The following SLC36A4 variants were observed in gnomAD, a reference collection of about 807,000 sequenced individuals.
SLC36A4 encodes solute carrier family 36 member 4.
A neutral mutation model predicts 50.5 loss-of-function variants in SLC36A4; 49 were observed. The observed-to-expected ratio is 0.97, with a 90% confidence interval of 0.77 to 1.23. The LOEUF is 1.23. SLC36A4 is among the 50% of genes most tolerant of loss of function. The pLI is 0.00. For synonymous variants in SLC36A4, 207 were observed against 206.5 expected, an observed-to-expected ratio of 1.00 and a Z score of -0.02; for missense variants, 611 against 608.4, an observed-to-expected ratio of 1.00 and a Z score of -0.05.
rs564746845 is a variant in SLC36A4 at position 93,172,346 on chromosome 11, C to T, written c.541-4175G>A. The stretch of plus-strand genomic sequence containing the variant: ...GGTGATTTGTGAGATCCTGGTGCAC[C>T]CATCAATGAAGCAGTATACACTGCA... On this transcript the variant is annotated intron_variant, in intron 6 of 10. Coordinates refer to ENST00000326402, the MANE Select transcript of SLC36A4 (RefSeq NM_152313.4). Among the ~76,000 whole-genome samples, 9 of 151,900 alleles carry T rather than the reference C, an allele frequency of 5.9e-5. No homozygotes were observed. The South Asian group carries it at 8.3e-4, about 14-fold the overall frequency.
intron 8 of SLC36A4, 131 bp from the exon 9 acceptor site, chr11:93,163,006 T>C: frequency 4.5e-6 from 3 of 664,160 alleles, no homozygotes; most frequent in Non-Finnish European, 7.5e-6. Flanking sequence ...CATATAATTG[T>C]TGAAGTACAC....
At chr11:93,190,489 C>A (rs1279733793) in intron 1 of SLC36A4, among the ~76,000 whole-genome samples, 1 of 152,096 alleles carries the variant, frequency 6.6e-6, no homozygotes, top group Non-Finnish European at 1.5e-5. Context: ...ATGTACTCCA[C>A]AAATACGTAC....
In SLC36A4 at chr11:93,197,969, C is replaced by G. The variant is rs1290325050; in HGVS notation, c.-137G>C. On this transcript the variant is annotated 5_prime_UTR_variant, in exon 1 of 11. Coordinates refer to ENST00000326402, the MANE Select transcript of SLC36A4 (RefSeq NM_152313.4). ...CCCGCCTCCCTGCCCCGGCGCTCCCCAACCGCGCGGCGAGGAGCATGCGCA... is the reference window on the plus strand; with the variant it reads ...CCCGCCTCCCTGCCCCGGCGCTCCCGAACCGCGCGGCGAGGAGCATGCGCA... 1 of 928,362 alleles carries G rather than the reference C, an allele frequency of 1.1e-6. No individual in the cohort carries two copies. Among genetic ancestry groups the G allele is most frequent in the Non-Finnish European group, 1.5e-6 (1 of 675,752 alleles). The allele number at this position is 928,362 out of a possible 1,614,324, so 57.5% of individuals were successfully genotyped here.
chr11:93,154,197 A>C lies in SLC36A4; in HGVS notation c.1118T>G (p.Ile373Ser). Residue 373 changes from isoleucine to serine, a missense_variant, in exon 10 of 11, where the codon ATC (isoleucine) becomes AGC (serine). Ile to Ser is a moderately radical substitution (Grantham distance 142). Coordinates refer to ENST00000326402, the MANE Select transcript of SLC36A4 (RefSeq NM_152313.4). ...TTTGGATGTGATCCCAGGGATAATG[A>C]TCTCTGCTGGAACATAGAACTGAAT... is the stretch of plus-strand genomic sequence containing the variant. Reference protein sequence around the residue: ...YSIQFYVPAEIIIPGITSKFH... With the variant: ...YSIQFYVPAESIIPGITSKFH... The C allele has an allele frequency of 6.4e-7, 1 of 1,564,974 alleles. No individual in the cohort carries two copies. The highest frequency in any genetic ancestry group is 8.6e-7 in the Non-Finnish European group (1 of 1,159,212).
At chr11:93,151,920 TG>T (rs1280267393) in intron 10 of SLC36A4, among the ~76,000 whole-genome samples, 3 of 152,084 alleles carry the variant, frequency 2.0e-5, no homozygotes, top group African/African-American at 7.2e-5. Context: ...GACCTTTGGC[TG>T]GTTTCTACCG....
intron 1 of SLC36A4, among the ~76,000 whole-genome samples, chr11:93,186,184 T>C (rs1861976173): frequency 1.3e-5 from 2 of 152,212 alleles, no homozygotes; most frequent in Admixed American, 1.3e-4. Flanking sequence ...TACAGGTAAA[T>C]AGTAATCACG....
intron 9 of SLC36A4, 84 bp from the exon 10 acceptor site, chr11:93,154,361 G>C: frequency 1.6e-6 from 1 of 645,120 alleles, no homozygotes; most frequent in Non-Finnish European, 2.3e-6. Context: ...AGATAAATAA[G>C]AAATCCAGAA....
intron 6 of SLC36A4, among the ~76,000 whole-genome samples, chr11:93,179,056 A>C (rs547632939): frequency 2.6e-5 from 4 of 152,302 alleles, no homozygotes; most frequent in African/African-American, 9.6e-5. Context: ...AATGGGAAAA[A>C]TGGGTGTTTG....
intron 9 of SLC36A4, among the ~76,000 whole-genome samples, chr11:93,155,964 T>A (rs1196801775): frequency 3.3e-5 from 5 of 152,230 alleles, no homozygotes; most frequent in African/African-American, 1.2e-4. Flanking sequence ...ATCTTCTTTA[T>A]CCAATCTATC....
chr11:93,188,125 G>GT (rs1403056896), intron 1 of SLC36A4, among the ~76,000 whole-genome samples: 2 of 152,088 alleles, frequency 1.3e-5, no homozygotes, highest in East Asian at 3.9e-4. Flanking sequence ...AAAATTTTCT[G>GT]TTTTTATACT....
chr11:93,183,299 C>T (rs2134695666), intron 3 of SLC36A4, among the ~76,000 whole-genome samples: 1 of 152,288 alleles, frequency 6.6e-6, no homozygotes, highest in Middle Eastern at 3.4e-3. Flanking sequence ...ATTTCTTCTA[C>T]AGACTGCTTC....
chr11:93,177,424 C>A (rs1360142724), intron 6 of SLC36A4, among the ~76,000 whole-genome samples: 2 of 152,202 alleles, frequency 1.3e-5, no homozygotes, highest in Non-Finnish European at 2.9e-5. Flanking sequence ...AAGTTTGTTA[C>A]TACCGATCGT....
intron 9 of SLC36A4, among the ~76,000 whole-genome samples, chr11:93,159,460 C>T (rs752212893): frequency 8.6e-5 from 13 of 152,032 alleles, no homozygotes; most frequent in Non-Finnish European, 1.5e-4. Context: ...CAGAAGCTAC[C>T]GTTAGAAATA....
Position 93,168,094 on chromosome 11 carries a change from A to G in SLC36A4, c.618T>C (p.Ser206=), listed in dbSNP as rs1357548163. ...TNSSNPCERR[S]VDLRIYMLCF... is the part of the protein sequence containing the mutation. The stretch of plus-strand genomic sequence containing the variant: ...AAAGCATATATATCCTTAGGTCAAC[A>G]CTTCTTCTCTCACAAGGGTTTGATG... Residue 206 remains serine, a synonymous_variant, in exon 7 of 11, where the codon AGT becomes AGC. Coordinates refer to ENST00000326402, the MANE Select transcript of SLC36A4 (RefSeq NM_152313.4). The G allele has an allele frequency of 6.2e-7, 1 of 1,612,526 alleles. No individual in the cohort carries two copies. Among genetic ancestry groups the G allele is most frequent in the Admixed American group, 1.7e-5 (1 of 59,878 alleles).
In SLC36A4 at chr11:93,155,999, C is replaced by T. The variant is rs550153715; in HGVS notation, c.1038-1722G>A. Among the ~76,000 whole-genome samples, 9 of 152,212 alleles carry T rather than the reference C, an allele frequency of 5.9e-5. 1 individual carries two copies. The highest frequency in any genetic ancestry group is 1.7e-4 in the African/African-American group (7 of 41,544). On this transcript the variant is annotated intron_variant, in intron 9 of 10. Transcript: ENST00000326402. Reference sequence around the variant, plus strand: ...CACTGACAGGCATTTAGGTTAATTCCGTATCTTTGCTATTGTGAAAAGTGC... The same window carrying T: ...CACTGACAGGCATTTAGGTTAATTCTGTATCTTTGCTATTGTGAAAAGTGC...
At chr11:93,179,893 CTTA>C (rs1184436962) in intron 6 of SLC36A4, among the ~76,000 whole-genome samples, 2 of 152,104 alleles carry the variant, frequency 1.3e-5, no homozygotes, top group Non-Finnish European at 2.9e-5. Context: ...GCAGAAAATA[CTTA>C]TTAACTGGCC....
chr11:93,144,930 G>A lies in SLC36A4; in HGVS notation c.*3607C>T, dbSNP rs1026539433. 1 of 151,956 alleles carries A rather than the reference G, an allele frequency of 6.6e-6. No individual in the cohort carries two copies. The highest frequency in any genetic ancestry group is 1.5e-5 in the Non-Finnish European group (1 of 67,942). The allele number at this position is 151,956 out of a possible 1,614,324, so 9.4% of individuals were successfully genotyped here. On this transcript the variant is annotated 3_prime_UTR_variant, in exon 11 of 11. Coordinates refer to ENST00000326402, the MANE Select transcript of SLC36A4 (RefSeq NM_152313.4). ...ATTTTATTCCTCAACAGATGGTATTGAGCCACTGATGCTATTTAAATAATT... is the reference window on the plus strand; with the variant it reads ...ATTTTATTCCTCAACAGATGGTATTAAGCCACTGATGCTATTTAAATAATT...
At chr11:93,196,055 G>C (rs1336704918) in intron 1 of SLC36A4, among the ~76,000 whole-genome samples, 1 of 152,072 alleles carries the variant, frequency 6.6e-6, no homozygotes, top group Non-Finnish European at 1.5e-5. Flanking sequence ...TTTTGCTCAC[G>C]ATGTATCTCA....
chr11:93,148,811 A>G lies in SLC36A4; in HGVS notation c.1241T>C (p.Ile414Thr). ...CACAGCTCCAACGAAGGAAATCACA[A>G]TGTCTAAACGAGGAATAAGAATTGC... is the stretch of plus-strand genomic sequence containing the variant. Reference protein sequence around the residue: ...AGAILIPRLDIVISFVGAVSS... With the variant: ...AGAILIPRLDTVISFVGAVSS... The change falls in exon 11 of 11, where the codon ATT becomes ACT. Residue 414 changes from isoleucine to threonine, a missense_variant. By Grantham distance (89) the Ile-to-Thr change is moderately conservative. Transcript: ENST00000326402. The G allele has an allele frequency of 6.2e-7, 1 of 1,612,764 alleles. No individual in the cohort carries two copies. The highest frequency in any genetic ancestry group is 8.5e-7 in the Non-Finnish European group (1 of 1,179,222).
Sources: gnomAD v4.1 joint callset for allele counts (sites outside exome capture counted in the v4.1 genomes callset) on GRCh38, gnomAD v4.1.1 for gene constraint, MANE v1.5 for transcripts, NCBI Gene and HGNC (gene_info 2026-07-23, HGNC 2026-07-21) for gene names.